The following CLYBL variants were observed in gnomAD, a reference collection of about 807,000 sequenced individuals.
CLYBL encodes the protein citramalyl-CoA lyase, mitochondrial.
CLYBL carries 31 observed loss-of-function variants against 38.9 expected under a neutral mutation model. The observed-to-expected ratio is 0.80, with a 90% confidence interval of 0.60 to 1.08. The LOEUF is 1.08. Among genes scored for constraint, CLYBL ranks in the 50% least tolerant of loss-of-function variants. CLYBL has a pLI of 0.00. For missense variants in CLYBL, 434 were observed against 411.6 expected, an observed-to-expected ratio of 1.05 and a Z score of -0.47; for synonymous variants, 171 against 158.6, an observed-to-expected ratio of 1.08 and a Z score of -0.59.
At chr13:99,783,391 G>T (rs1272460031) in intron 2 of CLYBL, among the ~76,000 whole-genome samples, 2 of 151,606 alleles carry the variant, frequency 1.3e-5, no homozygotes, top group Non-Finnish European at 2.9e-5. Context: ...ATATCTGGAA[G>T]TTCTATTTGG....
At chr13:99,749,233 T>G (rs1420503059) in intron 1 of CLYBL, among the ~76,000 whole-genome samples, 4 of 151,716 alleles carry the variant, frequency 2.6e-5, no homozygotes, top group South Asian at 2.1e-4. Flanking sequence ...GGGACACTTG[T>G]AGGAACGTCC....
chr13:99,897,927 C>T (rs946363657), downstream of CLYBL, among the ~76,000 whole-genome samples: 7 of 148,078 alleles, frequency 4.7e-5, no homozygotes, highest in Non-Finnish European at 7.4e-5. Context: ...GCAACAAGGG[C>T]GAAATGCCGT....
chr13:99,648,120 G>A (rs1205904572), intron 1 of CLYBL, among the ~76,000 whole-genome samples: 1 of 151,968 alleles, frequency 6.6e-6, no homozygotes, highest in Non-Finnish European at 1.5e-5. Context: ...TAAGTTCCAG[G>A]TCACAGACAA....
At chr13:99,888,519 G>A (rs978064024) in intron 7 of CLYBL, among the ~76,000 whole-genome samples, 2 of 152,108 alleles carry the variant, frequency 1.3e-5, no homozygotes, top group African/African-American at 4.8e-5. Flanking sequence ...GGAGGCCGAG[G>A]TGGGCAGATC....
intron 2 of CLYBL, among the ~76,000 whole-genome samples, chr13:99,819,460 AT>A (rs1555312472): frequency 0.022 from 852 of 39,460 alleles, 55 homozygotes; most frequent in African/African-American, 0.065. Context: ...ATATATATAT[AT>A]ATATATAATA....
intron 1 of CLYBL, among the ~76,000 whole-genome samples, chr13:99,693,757 G>T (rs957135087): frequency 5.5e-4 from 83 of 152,182 alleles, no homozygotes; most frequent in Non-Finnish European, 5.4e-4. Flanking sequence ...TCCAGGCTTT[G>T]ACTTGGGAGC....
intron 1 of CLYBL, among the ~76,000 whole-genome samples, chr13:99,625,338 A>C (rs2046853933): frequency 6.6e-6 from 1 of 152,242 alleles, no homozygotes; most frequent in African/African-American, 2.4e-5. Flanking sequence ...AGTGATCAGC[A>C]GGGATTAGCA....
At chr13:99,683,738 CTTT>C (rs35255826) in intron 1 of CLYBL, among the ~76,000 whole-genome samples, 2 of 145,994 alleles carry the variant, frequency 1.4e-5, no homozygotes, top group Non-Finnish European at 3.0e-5. Context: ...TTACAGTTAA[CTTT>C]TTTTTTTTTT....
intron 2 of CLYBL, among the ~76,000 whole-genome samples, chr13:99,804,614 T>G (rs1002665161): frequency 6.6e-6 from 1 of 152,186 alleles, no homozygotes; most frequent in African/African-American, 2.4e-5. Context: ...CCTTTATACC[T>G]GAAATGTTCC....
chr13:99,899,902 C>T (rs1015895058), downstream of CLYBL, among the ~76,000 whole-genome samples: 1 of 151,966 alleles, frequency 6.6e-6, no homozygotes, highest in African/African-American at 2.4e-5. Context: ...GCAGCGAACC[C>T]CATTTTCTCC....
rs147775267 is a variant in CLYBL at position 99,847,318 on chromosome 13, A to C, written c.250-11543A>C. Among the ~76,000 whole-genome samples, 30 of 152,358 alleles carry C rather than the reference A, an allele frequency of 2.0e-4. No homozygotes were observed. The East Asian group carries it at 5.8e-3, about 29-fold the overall frequency. On this transcript the variant is annotated intron_variant, in intron 2 of 8. Coordinates refer to ENST00000339105, the MANE Select transcript of CLYBL (RefSeq NM_206808.5). ...ATCCTCATAATGAAGAAAGCTAGGTACGAGGTCCTTTGATGACACTGTTCC... is the reference window on the plus strand; with the variant it reads ...ATCCTCATAATGAAGAAAGCTAGGTCCGAGGTCCTTTGATGACACTGTTCC...
At chr13:99,748,628 A>C (rs1337941930) in intron 1 of CLYBL, among the ~76,000 whole-genome samples, 1 of 150,722 alleles carries the variant, frequency 6.6e-6, no homozygotes, top group Non-Finnish European at 1.5e-5. Context: ...TTTAGTAGAG[A>C]TGGGGTTTCA....
At chr13:99,652,090 C>T (rs2047263110) in intron 1 of CLYBL, among the ~76,000 whole-genome samples, 1 of 152,202 alleles carries the variant, frequency 6.6e-6, no homozygotes, top group South Asian at 2.1e-4. Context: ...CCCTGCTCAG[C>T]CACGAGAACA....
At chr13:99,678,700 C>CT (rs1488788817) in intron 1 of CLYBL, among the ~76,000 whole-genome samples, 1 of 152,136 alleles carries the variant, frequency 6.6e-6, no homozygotes, top group Admixed American at 6.5e-5. Context: ...GTATTATTAT[C>CT]TTTTTTGTTT....
intron 1 of CLYBL, among the ~76,000 whole-genome samples, chr13:99,710,618 A>G (rs2048215309): frequency 6.6e-6 from 1 of 152,126 alleles, no homozygotes; most frequent in African/African-American, 2.4e-5. Flanking sequence ...CCTTTTCTTT[A>G]TCTTCCTTTC....
rs373221956 is a variant in CLYBL, at chr13:99,761,676, A to C, written c.63-11148A>C. On this transcript the variant is annotated intron_variant, in intron 1 of 8. Transcript: ENST00000339105. ...TATATTCATTTCCTTTCTTTTGGAT[A>C]TATACTGAGTAGTAGAATTGCTGGA... Among the ~76,000 whole-genome samples the C allele has an allele frequency of 5.1e-4, 77 of 152,318 alleles. 2 individuals are homozygous for C. In the South Asian group the frequency reaches 0.015, roughly 30 times the overall value.
chr13:99,784,310 C>G (rs1311851768), intron 2 of CLYBL, among the ~76,000 whole-genome samples: 1 of 152,130 alleles, frequency 6.6e-6, no homozygotes, highest in African/African-American at 2.4e-5. Flanking sequence ...TCTCTCTAAC[C>G]TTGCAGTGGT....
At chr13:99,789,629 A>G (rs555380214) in intron 2 of CLYBL, among the ~76,000 whole-genome samples, 17 of 152,282 alleles carry the variant, frequency 1.1e-4, no homozygotes, top group African/African-American at 3.1e-4. Flanking sequence ...TATGTGGTCA[A>G]TTTTGGAATA....
chr13:99,716,169 A>AGTTTT (rs1361639397), intron 1 of CLYBL, among the ~76,000 whole-genome samples: 17 of 33,464 alleles, frequency 5.1e-4, no homozygotes, highest in African/African-American at 1.4e-3. Context: ...TATTGGTGTA[A>AGTTTT]TTTTTTTTTT....
Sources: gnomAD v4.1 joint callset for allele counts (sites outside exome capture counted in the v4.1 genomes callset) on GRCh38, gnomAD v4.1.1 for gene constraint, MANE v1.5 for transcripts, NCBI Gene and HGNC (gene_info 2026-07-23, HGNC 2026-07-21) for gene names.